IL1RAPL2: variants seen among roughly 807,000 people sequenced by gnomAD.
IL1RAPL2 encodes the protein X-linked interleukin-1 receptor accessory protein-like 2.
A neutral mutation model predicts 44.1 loss-of-function variants in IL1RAPL2; 3 were observed. That is an observed-to-expected ratio of 0.07 (90% CI 0.03 to 0.18). The LOEUF (loss-of-function observed/expected upper bound fraction) is 0.18. IL1RAPL2 is among the 10% of genes least tolerant of loss of function. The pLI, the probability that IL1RAPL2 is intolerant of heterozygous loss-of-function variation, is 1.00. For synonymous variants in IL1RAPL2, 181 were observed against 178.8 expected (o/e 1.01, Z -0.10); for missense variants, 391 against 496.4 (o/e 0.79, Z 2.02).
At chrX:105,390,680 G>A (rs758724853) in intron 5 of IL1RAPL2, among the ~76,000 whole-genome samples, 3 of 110,425 alleles carry the variant, frequency 2.7e-5, no homozygotes, top group Non-Finnish European at 5.7e-5. Context: ...CTTAAGGGAA[G>A]TTAATGTATT....
chrX:105,036,649 T>G (rs1210771192), intron 2 of IL1RAPL2, among the ~76,000 whole-genome samples: 1 of 112,387 alleles, frequency 8.9e-6, no homozygotes, highest in Non-Finnish European at 1.9e-5. Context: ...GTCCTGCACC[T>G]GCTCTAATGT....
intron 2 of IL1RAPL2, among the ~76,000 whole-genome samples, chrX:104,878,923 T>C (rs924060191): frequency 1.8e-5 from 2 of 110,872 alleles, no homozygotes; most frequent in African/African-American, 3.3e-5. Context: ...AAGAAAAATA[T>C]AGTATCAAGG....
chrX:105,572,224 A>T (rs1004429396), intron 6 of IL1RAPL2, among the ~76,000 whole-genome samples: 3 of 111,863 alleles, frequency 2.7e-5, no homozygotes, highest in African/African-American at 9.7e-5. Context: ...CCAGAAACAG[A>T]TAGAAAATTA....
At chrX:105,320,368 A>C (rs1479163989) in intron 5 of IL1RAPL2, among the ~76,000 whole-genome samples, 1 of 111,693 alleles carries the variant, frequency 9.0e-6, no homozygotes, top group Non-Finnish European at 1.9e-5. Flanking sequence ...TACTTCACTA[A>C]CTGGGTCTAG....
intron 5 of IL1RAPL2, among the ~76,000 whole-genome samples, chrX:105,268,590 AC>A (rs1232273312): frequency 1.0e-5 from 1 of 99,453 alleles, no homozygotes; most frequent in Admixed American, 1.0e-4. Context: ...ACATGGGGAA[AC>A]CCTGTCTCTA....
At chrX:105,303,758 A>T (rs2034713925) in intron 5 of IL1RAPL2, among the ~76,000 whole-genome samples, 1 of 112,120 alleles carries the variant, frequency 8.9e-6, no homozygotes, top group Non-Finnish European at 1.9e-5. Context: ...CTTCCCTCTA[A>T]CAGTGTGCCT....
At chrX:105,488,531 G>A (rs1168743065) in intron 6 of IL1RAPL2, among the ~76,000 whole-genome samples, 1 of 112,575 alleles carries the variant, frequency 8.9e-6, no homozygotes, top group Non-Finnish European at 1.9e-5. Context: ...GCAAAGTAAA[G>A]TGATTGTCAT....
intron 5 of IL1RAPL2, among the ~76,000 whole-genome samples, chrX:105,316,046 G>A (rs759002903): frequency 2.7e-5 from 3 of 110,846 alleles, no homozygotes; most frequent in Admixed American, 9.6e-5. Flanking sequence ...GGCCAAGGAC[G>A]GCGGATCACC....
At chrX:105,090,532 T>A (rs1434699039) in intron 2 of IL1RAPL2, among the ~76,000 whole-genome samples, 1 of 111,931 alleles carries the variant, frequency 8.9e-6, no homozygotes, top group Non-Finnish European at 1.9e-5. Context: ...AATAGCACAT[T>A]GTGTGAGAAA....
At chrX:105,087,392 G>A (rs1191242593) in intron 2 of IL1RAPL2, among the ~76,000 whole-genome samples, 1 of 111,773 alleles carries the variant, frequency 8.9e-6, no homozygotes, top group African/African-American at 3.2e-5. Flanking sequence ...CCTATAGTAG[G>A]GGATGTTTTC....
intron 2 of IL1RAPL2, among the ~76,000 whole-genome samples, chrX:104,693,450 A>G (rs1043094743): frequency 1.8e-5 from 2 of 111,678 alleles, no homozygotes; most frequent in African/African-American, 3.3e-5. Flanking sequence ...CACATAGGAC[A>G]TTACATTTTA....
chrX:105,671,899 C>T (rs2037827609), intron 6 of IL1RAPL2, among the ~76,000 whole-genome samples: 3 of 110,427 alleles, frequency 2.7e-5, no homozygotes, highest in East Asian at 2.8e-4. Flanking sequence ...ATTTTCAGTT[C>T]GATGGTTTAT....
At chrX:104,842,184 A>G (rs1921922243) in intron 2 of IL1RAPL2, among the ~76,000 whole-genome samples, 1 of 108,520 alleles carries the variant, frequency 9.2e-6, no homozygotes, top group Non-Finnish European at 1.9e-5. Flanking sequence ...CGATTCAGCT[A>G]TTGATACCTG....
intron 5 of IL1RAPL2, among the ~76,000 whole-genome samples, chrX:105,392,079 A>G (rs1296076907): frequency 1.5e-4 from 16 of 106,777 alleles, no homozygotes; most frequent in South Asian, 4.3e-4. Flanking sequence ...ACACCAGCAT[A>G]GCACATGTAT....
intron 2 of IL1RAPL2, among the ~76,000 whole-genome samples, chrX:104,740,229 C>T (rs906538196): frequency 4.5e-5 from 5 of 110,925 alleles, no homozygotes; most frequent in African/African-American, 9.8e-5. Flanking sequence ...TTCAGGTCAT[C>T]AGAACTTGAG....
intron 2 of IL1RAPL2, among the ~76,000 whole-genome samples, chrX:104,895,842 T>C (rs913765770): frequency 2.7e-5 from 3 of 111,518 alleles, no homozygotes. Flanking sequence ...GTACCTCAGT[T>C]GGAAATGCAG....
intron 3 of IL1RAPL2, chrX:105,219,919 G>A (rs2090595662): frequency 8.7e-7 from 1 of 1,144,424 alleles, no homozygotes; most frequent in East Asian, 3.0e-5. Context: ...ACTGGGCAGG[G>A]ACCAGTTGAG....
intron 5 of IL1RAPL2, among the ~76,000 whole-genome samples, chrX:105,482,692 C>A (rs1488248666): frequency 1.8e-5 from 2 of 111,563 alleles, no homozygotes; most frequent in Admixed American, 1.9e-4. Context: ...ACTTTTATTT[C>A]TCTCTTTCGC....
chrX:104,790,669 GA>G (rs1054828775), intron 2 of IL1RAPL2, among the ~76,000 whole-genome samples: 3 of 110,829 alleles, frequency 2.7e-5, no homozygotes, highest in Non-Finnish European at 5.7e-5. Flanking sequence ...AAGCAGTACA[GA>G]AAAGTATAAA....
Sources: allele counts gnomAD v4.1 joint callset (sites outside exome capture counted in the v4.1 genomes callset), GRCh38; gene constraint gnomAD v4.1.1; transcripts MANE v1.5; gene names NCBI Gene and HGNC (gene_info 2026-07-23, HGNC 2026-07-21).